Variants in RBFOX1 observed in about 807,000 individuals in gnomAD.
The protein encoded by RBFOX1 is RNA binding fox-1 homolog 1.
Under a neutral mutation model 57.7 loss-of-function variants are expected in RBFOX1, and 8 were observed. The ratio of observed to expected loss-of-function variants is 0.14; its 90% CI spans 0.08 to 0.25. RBFOX1 has a LOEUF of 0.25. Ranked by LOEUF, RBFOX1 falls within the 10% of genes least tolerant of loss-of-function variation. The pLI is 1.00. For missense variants in RBFOX1, 611 were observed against 548.5 expected, an observed-to-expected ratio of 1.11 and a Z score of -1.14; for synonymous variants, 326 against 222.4, an observed-to-expected ratio of 1.47 and a Z score of -4.15.
At chr16:6,113,186 T>A (rs1489338686) in intron 1 of RBFOX1, among the ~76,000 whole-genome samples, 1 of 152,182 alleles carries the variant, frequency 6.6e-6, no homozygotes, top group African/African-American at 2.4e-5. Context: ...TCATCCTCCT[T>A]AGACCAGAGA....
intron 2 of RBFOX1, among the ~76,000 whole-genome samples, chr16:6,541,434 G>C (rs1049827902): frequency 5.9e-5 from 9 of 152,330 alleles, no homozygotes; most frequent in Non-Finnish European, 8.8e-5. Context: ...CATGGAGTTG[G>C]TCACAGTGCA....
chr16:6,989,907 G>A (rs570411538), intron 3 of RBFOX1, among the ~76,000 whole-genome samples: 4 of 152,030 alleles, frequency 2.6e-5, no homozygotes, highest in South Asian at 2.1e-4. Flanking sequence ...AGTCTGAGAC[G>A]GGAGAATTGC....
intron 3 of RBFOX1, among the ~76,000 whole-genome samples, chr16:6,801,674 A>T (rs753575422): frequency 2.0e-5 from 3 of 152,186 alleles, no homozygotes; most frequent in Non-Finnish European, 1.5e-5. Context: ...TGAGGGTCAC[A>T]CTGCTATTTC....
chr16:6,885,923 C>T (rs1385605333), intron 3 of RBFOX1, among the ~76,000 whole-genome samples: 1 of 152,104 alleles, frequency 6.6e-6, no homozygotes, highest in Non-Finnish European at 1.5e-5. Flanking sequence ...TTTATTAACC[C>T]AATAATAAAA....
chr16:6,806,824 ATATATATATATAT>A (rs2086907760), intron 3 of RBFOX1, among the ~76,000 whole-genome samples: 1 of 69,746 alleles, frequency 1.4e-5, no homozygotes, highest in Non-Finnish European at 2.8e-5. Context: ...ATAAATATAT[ATATATATATATAT>A]TTTTTTTTTT....
intron 1 of RBFOX1, among the ~76,000 whole-genome samples, chr16:5,254,530 C>A (rs2062534581): frequency 6.6e-6 from 1 of 152,132 alleles, no homozygotes; most frequent in Non-Finnish European, 1.5e-5. Context: ...TCTGCCATGC[C>A]CCCCGATCTT....
intron 4 of RBFOX1, among the ~76,000 whole-genome samples, chr16:7,362,010 T>C (rs1201347493): frequency 6.6e-6 from 1 of 151,746 alleles, no homozygotes; most frequent in Non-Finnish European, 1.5e-5. Context: ...TGTATGATTA[T>C]GTATATATGT....
chr16:7,082,920 A>T (rs541249542), intron 4 of RBFOX1, among the ~76,000 whole-genome samples: 19 of 152,192 alleles, frequency 1.2e-4, no homozygotes, highest in Non-Finnish European at 2.8e-4. Flanking sequence ...TGACAACAAG[A>T]GTTGTAAATG....
chr16:7,215,213 G>C (rs1168368873), intron 4 of RBFOX1, among the ~76,000 whole-genome samples: 2 of 152,128 alleles, frequency 1.3e-5, no homozygotes, highest in African/African-American at 4.8e-5. Context: ...AGCTTCATCC[G>C]TGTCTCCAAG....
chr16:6,290,602 C>T (rs929972689), intron 1 of RBFOX1, among the ~76,000 whole-genome samples: 6 of 151,002 alleles, frequency 4.0e-5, no homozygotes, highest in Non-Finnish European at 8.9e-5. Flanking sequence ...GACAACATAG[C>T]GGTCATCCTA....
chr16:6,496,500 C>T (rs141809276), intron 2 of RBFOX1, among the ~76,000 whole-genome samples: 26 of 152,246 alleles, frequency 1.7e-4, no homozygotes, highest in South Asian at 4.1e-4. Flanking sequence ...AACAATCAGA[C>T]GGGAATCAAT....
intron 3 of RBFOX1, among the ~76,000 whole-genome samples, chr16:7,048,193 T>C (rs999727626): frequency 6.6e-6 from 1 of 151,196 alleles, no homozygotes; most frequent in South Asian, 2.1e-4. Context: ...ATTTTATTTT[T>C]ATTTTTTTAA....
intron 3 of RBFOX1, among the ~76,000 whole-genome samples, chr16:6,748,171 GC>G (rs2074170212): frequency 6.6e-6 from 1 of 151,832 alleles, no homozygotes; most frequent in African/African-American, 2.4e-5. Context: ...ATCTCGTTAG[GC>G]AATAAATGCA....
intron 3 of RBFOX1, among the ~76,000 whole-genome samples, chr16:7,027,235 T>G (rs1283570984): frequency 2.0e-5 from 3 of 152,156 alleles, no homozygotes; most frequent in African/African-American, 7.2e-5. Flanking sequence ...TCATAAATAT[T>G]TGTTCAACTA....
rs1379226768 is a variant in RBFOX1, at chr16:7,701,245, G to A, written c.996-7811G>A. ...TTTTATCATTTTTGGAGACTTTGCT[G>A]CATTTTTAGTCATTTTGTAGGTCAG... On this transcript the variant is annotated intron_variant, in intron 14 of 15. Transcript: ENST00000550418. Among the ~76,000 whole-genome samples, 3 of 145,582 alleles carry A rather than the reference G, an allele frequency of 2.1e-5. No individual in the cohort carries two copies. The East Asian group carries it at 5.8e-4, about 28-fold the overall frequency.
chr16:5,295,477 C>G (rs1328016803), intron 1 of RBFOX1, among the ~76,000 whole-genome samples: 2 of 152,192 alleles, frequency 1.3e-5, no homozygotes, highest in African/African-American at 4.8e-5. Flanking sequence ...GCCGTAGTGT[C>G]AGCCAGGGCT....
intron 2 of RBFOX1, among the ~76,000 whole-genome samples, chr16:6,642,721 G>T (rs901954076): frequency 5.9e-5 from 9 of 152,144 alleles, no homozygotes; most frequent in Admixed American, 5.9e-4. Flanking sequence ...ATAATAGTTT[G>T]GTTGGGGATC....
chr16:5,907,356 T>C (rs1207311620), intron 4 of RBFOX1, among the ~76,000 whole-genome samples: 1 of 152,160 alleles, frequency 6.6e-6, no homozygotes, highest in Admixed American at 6.5e-5. Flanking sequence ...AAAGAAGGGA[T>C]TAAACTAGAC....
chr16:5,265,085 G>A (rs1401690070), intron 1 of RBFOX1, among the ~76,000 whole-genome samples: 1 of 151,812 alleles, frequency 6.6e-6, no homozygotes, highest in Non-Finnish European at 1.5e-5. Flanking sequence ...ACCTTATGTT[G>A]GTTCTCAAAT....
Sources: gnomAD v4.1 joint callset for allele counts (sites outside exome capture counted in the v4.1 genomes callset) on GRCh38, gnomAD v4.1.1 for gene constraint, MANE v1.5 for transcripts, NCBI Gene and HGNC (gene_info 2026-07-23, HGNC 2026-07-21) for gene names.